EML4: variants seen among roughly 807,000 people sequenced by gnomAD.
EML4 encodes echinoderm microtubule-associated protein-like 4.
Under a neutral mutation model 129.0 loss-of-function variants are expected in EML4, and 72 were observed. That is an observed-to-expected ratio of 0.56 (90% CI 0.46 to 0.68). The LOEUF is 0.68. EML4 is among the 30% of genes least tolerant of loss of function. The probability of loss-of-function intolerance (pLI) is 0.00; values close to 1 mark genes in which losing one functional copy is unlikely to be tolerated. For synonymous variants in EML4, 532 were observed against 405.0 expected, an observed-to-expected ratio of 1.31 and a Z score of -3.77; for missense variants, 1,363 against 1,190.6, an observed-to-expected ratio of 1.14 and a Z score of -2.13.
chr2:42,326,689 C>G (rs969272943), intron 21 of EML4, among the ~76,000 whole-genome samples: 2 of 152,160 alleles, frequency 1.3e-5, no homozygotes, highest in Non-Finnish European at 2.9e-5. Flanking sequence ...CGAGACCAGC[C>G]TGGCCAACAT....
intron 1 of EML4, among the ~76,000 whole-genome samples, chr2:42,201,722 C>T (rs927972653): frequency 5.3e-5 from 8 of 152,144 alleles, no homozygotes; most frequent in African/African-American, 1.9e-4. Context: ...ATAAGCCAGG[C>T]ACACAGAGAC....
At chr2:42,174,924 T>G (rs1314458244) in intron 1 of EML4, among the ~76,000 whole-genome samples, 1 of 150,888 alleles carries the variant, frequency 6.6e-6, no homozygotes, top group Admixed American at 6.6e-5. Flanking sequence ...TTTAGGCAGT[T>G]ATCTGCCTCA....
In EML4 at chr2:42,217,594, G is replaced by T. The variant is rs371120481; in HGVS notation, c.26-27911G>T. Among the ~76,000 whole-genome samples, 3 of 152,080 alleles carry T rather than the reference G, an allele frequency of 2.0e-5. No homozygotes were observed. The East Asian group carries it at 5.8e-4, about 29-fold the overall frequency. ...CAGACTTAAACGTAGAGTTTTCTTT[G>T]TGGAATACTGTACCCATGAAAAAGA... On this transcript the variant is annotated intron_variant, in intron 1 of 22. Coordinates refer to ENST00000318522, the MANE Select transcript of EML4 (RefSeq NM_019063.5).
chr2:42,202,007 C>CG (rs1402161266), intron 1 of EML4, among the ~76,000 whole-genome samples: 3 of 151,370 alleles, frequency 2.0e-5, no homozygotes, highest in East Asian at 3.9e-4. Flanking sequence ...CGCTTGAACT[C>CG]GGGGGGCAGA....
At chr2:42,211,678 A>C (rs1672894063) in intron 1 of EML4, among the ~76,000 whole-genome samples, 2 of 152,140 alleles carry the variant, frequency 1.3e-5, no homozygotes, top group South Asian at 4.1e-4. Flanking sequence ...TTATTGAAAC[A>C]GTGACATTTA....
chr2:42,250,966 C>CACAT (rs1675727727), intron 2 of EML4, among the ~76,000 whole-genome samples: 1 of 152,150 alleles, frequency 6.6e-6, no homozygotes, highest in Non-Finnish European at 1.5e-5. Context: ...CTAGATCCCT[C>CACAT]ACATGTACAG....
In EML4 at chr2:42,298,742, TA is replaced by T. The variant is rs1264836180; in HGVS notation, c.1490-2497del. 3.9e-5 allele frequency among the ~76,000 whole-genome samples: 6 copies of T among 152,292 alleles called. No individual in the cohort carries two copies. The East Asian group carries it at 1.2e-3, about 29-fold the overall frequency. On this transcript the variant is annotated intron_variant, in intron 13 of 22. Coordinates refer to ENST00000318522, the MANE Select transcript of EML4 (RefSeq NM_019063.5). Reference sequence around the variant, plus strand: ...TCATTCTGGGAGGATTTTAAGTGTTTAACAAGGTTTTTGTCATGTTTAGAAA... The same window carrying T: ...TCATTCTGGGAGGATTTTAAGTGTTTACAAGGTTTTTGTCATGTTTAGAAA...
intron 6 of EML4, among the ~76,000 whole-genome samples, chr2:42,269,623 G>A (rs1270751086): frequency 6.6e-6 from 1 of 152,162 alleles, no homozygotes; most frequent in African/African-American, 2.4e-5. Context: ...TTCTGATATG[G>A]TGACCTGAAG....
chr2:42,311,043 A>C (rs1668914530), intron 17 of EML4, among the ~76,000 whole-genome samples: 1 of 152,216 alleles, frequency 6.6e-6, no homozygotes, highest in Non-Finnish European at 1.5e-5. Context: ...GAAATAGAAA[A>C]CTTAGGCACG....
At chr2:42,194,501 T>C (rs948590025) in intron 1 of EML4, among the ~76,000 whole-genome samples, 6 of 151,826 alleles carry the variant, frequency 4.0e-5, no homozygotes, top group South Asian at 2.1e-4. Context: ...AGTAGGACTT[T>C]TTAATTTACC....
chr2:42,283,501 ATTGT>A (rs1667128469), intron 8 of EML4, among the ~76,000 whole-genome samples: 2 of 152,112 alleles, frequency 1.3e-5, no homozygotes, highest in African/African-American at 2.4e-5. Flanking sequence ...GCAATTATTT[ATTGT>A]TTATTAATAT....
At chr2:42,260,805 C>G (rs1665683894) in intron 3 of EML4, among the ~76,000 whole-genome samples, 1 of 152,152 alleles carries the variant, frequency 6.6e-6, no homozygotes, top group Admixed American at 6.5e-5. Context: ...ATTTGGGTAA[C>G]TTGAGGTCAG....
At chr2:42,315,914 TATAAATGCTA>T (rs1218839403) in intron 17 of EML4, 38 bp from the exon 18 acceptor site, 2 of 1,380,046 alleles carry the variant, frequency 1.4e-6, no homozygotes, top group East Asian at 4.6e-5. Context: ...TTTTTTTTTC[TATAAATGCTA>T]ATATCTGAAG....
At chr2:42,171,893 A>T (rs1203553985) in intron 1 of EML4, among the ~76,000 whole-genome samples, 1 of 152,128 alleles carries the variant, frequency 6.6e-6, no homozygotes, top group Non-Finnish European at 1.5e-5. Flanking sequence ...GGTATATTTT[A>T]CTGGTAGTCT....
intron 1 of EML4, among the ~76,000 whole-genome samples, chr2:42,172,020 A>G (rs934704230): frequency 6.6e-6 from 1 of 152,130 alleles, no homozygotes; most frequent in African/African-American, 2.4e-5. Context: ...AGCCATGAAT[A>G]TAAAGGCAAG....
intron 1 of EML4, among the ~76,000 whole-genome samples, chr2:42,222,048 C>T (rs766330221): frequency 1.3e-5 from 2 of 152,056 alleles, no homozygotes; most frequent in East Asian, 1.9e-4. Flanking sequence ...TTGTCTTCTT[C>T]TCTCCTTAGT....
At chr2:42,308,579 C>A (rs7597502) in intron 17 of EML4, among the ~76,000 whole-genome samples, 67,978 of 151,878 alleles carry the variant, frequency 0.45, 15,814 homozygotes, top group East Asian at 0.73. Context: ...ATAACCCCCC[C>A]AAAAAAGAAA....
chr2:42,218,957 CTT>C (rs1398196234), intron 1 of EML4, among the ~76,000 whole-genome samples: 1 of 152,152 alleles, frequency 6.6e-6, no homozygotes, highest in African/African-American at 2.4e-5. Context: ...CACTGCAGCA[CTT>C]GACTTAGTAA....
rs1404105160 is a variant in EML4, at chr2:42,280,895, T to C, written c.713T>C (p.Met238Thr). ...TTTATGCGCGGTCGGCCAATTACCA[T>C]GTTCATTCCTTCCGATGTTGACAAC... ...KMFMRGRPIT[M>T]FIPSDVDNYD... is the part of the protein sequence containing the mutation. Residue 238 changes from methionine to threonine, a missense_variant, in exon 7 of 23, where the codon ATG becomes ACG. Physicochemically the swap from Met to Thr is moderately conservative, Grantham distance 81. Transcript: ENST00000318522. 3 of 1,612,338 alleles carry C rather than the reference T, an allele frequency of 1.9e-6. No individual in the cohort carries two copies. The highest frequency in any genetic ancestry group is 2.5e-6 in the Non-Finnish European group (3 of 1,178,922).
Sources: allele counts gnomAD v4.1 joint callset (sites outside exome capture counted in the v4.1 genomes callset), GRCh38; gene constraint gnomAD v4.1.1; transcripts MANE v1.5; gene names NCBI Gene and HGNC (gene_info 2026-07-23, HGNC 2026-07-21).